The following CCDC138 variants were observed in gnomAD, a reference collection of about 807,000 sequenced individuals.
CCDC138 encodes the protein coiled-coil domain containing 138.
In CCDC138, 66 loss-of-function variants were observed where a neutral mutation model predicts 82.3. The observed-to-expected ratio is 0.80, with a 90% CI of 0.66 to 0.98. CCDC138 has a LOEUF of 0.98. CCDC138 is among the 50% of genes least tolerant of loss of function. The pLI, the probability that CCDC138 is intolerant of heterozygous loss-of-function variation, is 0.00. For missense variants in CCDC138, 816 were observed against 758.9 expected (o/e 1.08, Z -0.88); for synonymous variants, 297 against 265.4 (o/e 1.12, Z -1.16).
intron 7 of CCDC138, among the ~76,000 whole-genome samples, chr2:108,812,150 T>C (rs573326872): frequency 7.9e-5 from 12 of 152,256 alleles, no homozygotes; most frequent in Non-Finnish European, 1.3e-4. Context: ...ATTGAAGATA[T>C]GTTCATGGAT....
At chr2:108,875,523 A>C (rs537695292) in intron 14 of CCDC138, among the ~76,000 whole-genome samples, 1 of 152,192 alleles carries the variant, frequency 6.6e-6, no homozygotes, top group African/African-American at 2.4e-5. Flanking sequence ...AAAAATTCTC[A>C]CGCTCTCTAA....
intron 10 of CCDC138, among the ~76,000 whole-genome samples, chr2:108,837,304 T>A (rs1391757124): frequency 6.6e-6 from 1 of 152,254 alleles, no homozygotes; most frequent in Non-Finnish European, 1.5e-5. Context: ...GTGTGGGTTT[T>A]GTCCTTCATT....
At chr2:108,817,317 G>A (rs1296261875) in intron 10 of CCDC138, among the ~76,000 whole-genome samples, 3 of 150,868 alleles carry the variant, frequency 2.0e-5, no homozygotes, top group South Asian at 4.2e-4. Context: ...TTTTTGAGGC[G>A]GAGTTTTGCT....
intron 10 of CCDC138, among the ~76,000 whole-genome samples, chr2:108,829,506 GAGGCCAAGGC>G (rs959373058): frequency 7.9e-5 from 12 of 152,212 alleles, no homozygotes; most frequent in Non-Finnish European, 1.6e-4. Context: ...AGCACTTTGG[GAGGCCAAGGC>G]AGGCGGGTCA....
chr2:108,864,075 T>C (rs1378366991), intron 13 of CCDC138, among the ~76,000 whole-genome samples: 5 of 152,170 alleles, frequency 3.3e-5, no homozygotes, highest in East Asian at 1.9e-4. Context: ...TGTGTTACAC[T>C]AGTGTGTAAC....
At chr2:108,857,847 T>C (rs1361587768) in intron 13 of CCDC138, among the ~76,000 whole-genome samples, 1 of 152,206 alleles carries the variant, frequency 6.6e-6, no homozygotes, top group Non-Finnish European at 1.5e-5. Flanking sequence ...CAGATGCAAA[T>C]GTGTATTCAT....
intron 2 of CCDC138, chr2:108,882,822 G>C (rs528622951): frequency 6.6e-6 from 1 of 152,298 alleles, no homozygotes; most frequent in South Asian, 2.1e-4. Context: ...GTCTTCCCTA[G>C]ATAAATGGAA....
intron 10 of CCDC138, 69 bp downstream of exon 10, chr2:108,816,174 G>A: frequency 1.7e-6 from 2 of 1,143,914 alleles, no homozygotes; most frequent in Non-Finnish European, 1.3e-6. Context: ...GCCAGGGCCA[G>A]GCACAGTGGC....
intron 12 of CCDC138, among the ~76,000 whole-genome samples, chr2:108,853,977 A>C (rs566496988): frequency 2.8e-3 from 38 of 13,574 alleles, no homozygotes; most frequent in Non-Finnish European, 7.1e-3. Context: ...AATATATATA[A>C]TATATAATAT....
At position 108,875,647 on chromosome 2, in the gene CCDC138, C is replaced by G. The variant is rs1051089651; in HGVS notation, c.1833-441C>G. On this transcript the variant is annotated intron_variant, in intron 14 of 14. Coordinates refer to ENST00000295124, the MANE Select transcript of CCDC138 (RefSeq NM_144978.3). Reference sequence around the variant, plus strand: ...CCAAGGAAGGAGGATCGCCTGAGCCCAGAAGTTCAAGACCAGCCTTAGCAA... The same window carrying G: ...CCAAGGAAGGAGGATCGCCTGAGCCGAGAAGTTCAAGACCAGCCTTAGCAA... Among the ~76,000 whole-genome samples the G allele has an allele frequency of 4.6e-5, 7 of 152,250 alleles. No individual in the cohort carries two copies. In the South Asian group the frequency reaches 1.2e-3, roughly 27 times the overall value.
At chr2:108,859,058 C>T (rs10183476) in intron 13 of CCDC138, among the ~76,000 whole-genome samples, 17,259 of 152,032 alleles carry the variant, frequency 0.11, 1,586 homozygotes, top group African/African-American at 0.24. Context: ...ATTGCTGAAT[C>T]GAATGGCAGT....
intron 13 of CCDC138, among the ~76,000 whole-genome samples, chr2:108,857,670 T>G (rs1161291324): frequency 6.6e-6 from 1 of 152,230 alleles, no homozygotes; most frequent in African/African-American, 2.4e-5. Context: ...GATGACTAGC[T>G]ACCTAGATTA....
rs1453608351 is a variant in CCDC138 at position 108,786,905 on chromosome 2, G to T, written c.83G>T (p.Cys28Phe). ...LKSRYGLGGS[C>F]PDEYDFSNFY... ...AGCCGCTACGGACTCGGGGGCAGCT[G>T]CCCCGACGAGGTGAAGCCGCCGCCT... Residue 28 changes from cysteine (C) to phenylalanine (F), a missense_variant, in exon 1 of 15, where the codon TGC becomes TTC. Cys to Phe is a radical substitution (Grantham distance 205, BLOSUM62 -2). Coordinates refer to ENST00000295124, the MANE Select transcript of CCDC138 (RefSeq NM_144978.3). 3.2e-6 allele frequency: 5 copies of T among 1,539,422 alleles called. No individual in the cohort carries two copies. In the African/African-American group the frequency reaches 5.7e-5, roughly 18 times the overall value.
intron 2 of CCDC138, chr2:108,882,824 TAAATG>T (rs1364349615): frequency 6.6e-6 from 1 of 152,120 alleles, no homozygotes; most frequent in Non-Finnish European, 1.5e-5. Flanking sequence ...CTTCCCTAGA[TAAATG>T]GAACTGTGTG....
At chr2:108,791,048 C>T (rs1422741871) in intron 3 of CCDC138, among the ~76,000 whole-genome samples, 3 of 152,132 alleles carry the variant, frequency 2.0e-5, no homozygotes, top group African/African-American at 7.2e-5. Flanking sequence ...AGGCGTGAGC[C>T]ACCATGCCTG....
chr2:108,799,252 A>G (rs935606401), intron 6 of CCDC138, among the ~76,000 whole-genome samples: 1 of 152,234 alleles, frequency 6.6e-6, no homozygotes, highest in Non-Finnish European at 1.5e-5. Flanking sequence ...TATTTTTGGC[A>G]AGGATATTGT....
intron 11 of CCDC138, among the ~76,000 whole-genome samples, chr2:108,843,861 TGTGTGTGTGTGTGTG>T (rs1558716866): frequency 1.4e-5 from 2 of 140,672 alleles, no homozygotes; most frequent in Non-Finnish European, 3.0e-5. Context: ...TGTGTGTGTG[TGTGTGTGTGTGTGTG>T]TGTTTCTTTC....
At chr2:108,825,862 A>G (rs565181168) in intron 10 of CCDC138, among the ~76,000 whole-genome samples, 55 of 152,178 alleles carry the variant, frequency 3.6e-4, no homozygotes, top group South Asian at 2.1e-3. Context: ...AAGTGGTTCA[A>G]CAGTTGTTGA....
At chr2:108,868,250 T>C (rs1046605179) in intron 13 of CCDC138, among the ~76,000 whole-genome samples, 2 of 152,234 alleles carry the variant, frequency 1.3e-5, no homozygotes, top group African/African-American at 4.8e-5. Context: ...TCAGATATCA[T>C]ATTAGTATAG....
Sources: gnomAD v4.1 joint callset for allele counts (sites outside exome capture counted in the v4.1 genomes callset) on GRCh38, gnomAD v4.1.1 for gene constraint, MANE v1.5 for transcripts, NCBI Gene and HGNC (gene_info 2026-07-23, HGNC 2026-07-21) for gene names.